The following NME7 variants were observed in gnomAD, a reference collection of about 807,000 sequenced individuals.
NME7 encodes nucleoside diphosphate kinase 7.
In NME7, 41 loss-of-function variants were observed where a neutral mutation model predicts 49.1. That is an observed-to-expected ratio of 0.83 (90% CI 0.65 to 1.08). The LOEUF (loss-of-function observed/expected upper bound fraction) is 1.08, where lower values mean the gene tolerates loss of function less well. Ranked by LOEUF, NME7 falls within the 50% of genes least tolerant of loss-of-function variation. The pLI is 0.00. For missense variants in NME7, 423 were observed against 463.4 expected, an observed-to-expected ratio of 0.91 and a Z score of 0.80; for synonymous variants, 139 against 150.6, an observed-to-expected ratio of 0.92 and a Z score of 0.56.
chr1:169,235,831 G>A (rs1647836491), intron 8 of NME7, among the ~76,000 whole-genome samples: 1 of 151,884 alleles, frequency 6.6e-6, no homozygotes. Context: ...AACTGTAAAA[G>A]TGTGCTTACA....
At chr1:169,277,223 T>C (rs1649772737) in intron 7 of NME7, among the ~76,000 whole-genome samples, 2 of 147,762 alleles carry the variant, frequency 1.4e-5, no homozygotes, top group Admixed American at 1.4e-4. Flanking sequence ...CAGAGCTAAG[T>C]TCAATTCCTG....
At chr1:169,299,271 TA>T (rs3835448) in intron 5 of NME7, among the ~76,000 whole-genome samples, 49,828 of 148,210 alleles carry the variant, frequency 0.34, 8,796 homozygotes, top group East Asian at 0.67. Context: ...GGTTTGGTGA[TA>T]AAAAAAAAAA....
chr1:169,248,202 T>A (rs1648404755), intron 7 of NME7, among the ~76,000 whole-genome samples: 1 of 152,214 alleles, frequency 6.6e-6, no homozygotes, highest in Non-Finnish European at 1.5e-5. Flanking sequence ...AGTATCTCAT[T>A]GTATTTTTAA....
rs545061515 is a variant in NME7, at chr1:169,272,684, C to T, written c.754+14619G>A. Among the ~76,000 whole-genome samples, 335 of 132,972 alleles carry T rather than the reference C, an allele frequency of 2.5e-3. 42 individuals carry two copies. The highest frequency in any genetic ancestry group is 8.3e-3 in the African/African-American group (326 of 39,408). 87.2% of individuals were successfully genotyped at this position (132,972 alleles called of 152,430 possible). On this transcript the variant is annotated intron_variant, in intron 7 of 11. Coordinates refer to ENST00000367811, the MANE Select transcript of NME7 (RefSeq NM_013330.5). ...TGTATATGTACCACATTTTCTATAT[C>T]CAGTCTATCATTGATGGGCATTTGG...
intron 10 of NME7, among the ~76,000 whole-genome samples, chr1:169,185,045 G>T (rs896188771): frequency 6.6e-6 from 1 of 152,030 alleles, no homozygotes; most frequent in Admixed American, 6.6e-5. Context: ...GGGAACTCTA[G>T]GGTACCCATG....
intron 10 of NME7, among the ~76,000 whole-genome samples, chr1:169,229,682 C>T (rs1319925542): frequency 2.6e-5 from 4 of 152,076 alleles, no homozygotes; most frequent in African/African-American, 4.8e-5. Context: ...AATAAATGGC[C>T]GGGCATAGCG....
At chr1:169,287,529 T>C in intron 6 of NME7, 121 bp from the exon 7 acceptor site, 1 of 728,768 alleles carries the variant, frequency 1.4e-6, no homozygotes, top group Non-Finnish European at 2.2e-6. Flanking sequence ...AAATTTTTTG[T>C]TTCAGATTTT....
chr1:169,326,506 G>A (rs1256154948), intron 1 of NME7, among the ~76,000 whole-genome samples: 1 of 152,106 alleles, frequency 6.6e-6, no homozygotes, highest in Non-Finnish European at 1.5e-5. Context: ...GCAGACAAGT[G>A]ACTGAGAAGC....
At chr1:169,301,376 C>A (rs1650932733) in intron 5 of NME7, among the ~76,000 whole-genome samples, 1 of 152,050 alleles carries the variant, frequency 6.6e-6, no homozygotes, top group South Asian at 2.1e-4. Flanking sequence ...CAATGAGATA[C>A]CATTTCACAC....
At chr1:169,316,278 G>C (rs1450076339) in intron 3 of NME7, among the ~76,000 whole-genome samples, 2 of 152,114 alleles carry the variant, frequency 1.3e-5, no homozygotes, top group African/African-American at 2.4e-5. Context: ...AGATTTAAGA[G>C]AGAAGATTAG....
chr1:169,332,047 T>G, intron 1 of NME7, among the ~76,000 whole-genome samples: 1 of 151,814 alleles, frequency 6.6e-6, no homozygotes, highest in Non-Finnish European at 1.5e-5. Flanking sequence ...ACTGAAAAAA[T>G]CACATTAACT....
chr1:169,276,419 A>G lies in NME7; in HGVS notation c.754+10884T>C, dbSNP rs1381125739. On this transcript the variant is annotated intron_variant, in intron 7 of 11. Coordinates refer to ENST00000367811, the MANE Select transcript of NME7 (RefSeq NM_013330.5). The stretch of plus-strand genomic sequence containing the variant: ...CTTCTTCCTCGTTTAGTCTTGGGAG[A>G]GTGTATGTGTCGAGGAATTTATCCA... Among the ~76,000 whole-genome samples, 7 of 132,238 alleles carry G rather than the reference A, an allele frequency of 5.3e-5. 2 individuals are homozygous for G. The highest frequency in any genetic ancestry group is 1.1e-4 in the Non-Finnish European group (6 of 56,424). The allele number at this position is 132,238 out of a possible 152,430, so 86.8% of individuals were successfully genotyped here. A position where few individuals can be genotyped will look rare whatever the true frequency, so the allele number is the denominator to read the frequency against.
intron 11 of NME7, among the ~76,000 whole-genome samples, chr1:169,148,409 T>C (rs1658820803): frequency 6.6e-6 from 1 of 152,222 alleles, no homozygotes; most frequent in African/African-American, 2.4e-5. Flanking sequence ...CTGTTTCCTC[T>C]TAAAACAGGA....
chr1:169,163,065 G>A (rs1164136891), intron 11 of NME7, among the ~76,000 whole-genome samples: 2 of 152,140 alleles, frequency 1.3e-5, no homozygotes, highest in African/African-American at 4.8e-5. Flanking sequence ...GAAAGGCAAA[G>A]AAGTAGATAT....
chr1:169,173,515 T>TAG (rs1351832928), intron 10 of NME7, among the ~76,000 whole-genome samples: 1 of 152,168 alleles, frequency 6.6e-6, no homozygotes, highest in African/African-American at 2.4e-5. Flanking sequence ...TCTTCATATC[T>TAG]GCTCTTAAAA....
At chr1:169,148,026 A>G (rs1370505459) in intron 11 of NME7, among the ~76,000 whole-genome samples, 2 of 151,574 alleles carry the variant, frequency 1.3e-5, no homozygotes, top group Admixed American at 1.3e-4. Flanking sequence ...TTTTTGAGAC[A>G]GAGTCTCGCT....
intron 10 of NME7, among the ~76,000 whole-genome samples, chr1:169,189,119 T>C (rs1660149313): frequency 1.3e-5 from 2 of 152,226 alleles, no homozygotes; most frequent in Admixed American, 6.5e-5. Context: ...TTTATTTTAT[T>C]ATATTGCATA....
At chr1:169,241,781 C>A (rs954234616) in intron 7 of NME7, among the ~76,000 whole-genome samples, 2 of 151,474 alleles carry the variant, frequency 1.3e-5, no homozygotes, top group Non-Finnish European at 2.9e-5. Context: ...ATTCAAAGTA[C>A]AATGTTAGTG....
In NME7 at chr1:169,250,385, C is replaced by T. The variant is rs1408016867; in HGVS notation, c.755-12698G>A. On this transcript the variant is annotated intron_variant, in intron 7 of 11. Coordinates refer to ENST00000367811, the MANE Select transcript of NME7 (RefSeq NM_013330.5). Reference sequence around the variant, plus strand: ...CTGGTTAATCTAGCTAATGGTCTATCAACTTTGTTTATCTTTTTGAAAAAC... The same window carrying T: ...CTGGTTAATCTAGCTAATGGTCTATTAACTTTGTTTATCTTTTTGAAAAAC... Among the ~76,000 whole-genome samples the T allele has an allele frequency of 5.9e-5, 9 of 152,160 alleles. No homozygotes were observed. In the East Asian group the frequency reaches 1.7e-3, roughly 29 times the overall value.
Sources: gnomAD v4.1 joint callset for allele counts (sites outside exome capture counted in the v4.1 genomes callset) on GRCh38, gnomAD v4.1.1 for gene constraint, MANE v1.5 for transcripts, NCBI Gene and HGNC (gene_info 2026-07-23, HGNC 2026-07-21) for gene names.